Variants in CPSF2 observed in about 807,000 individuals in gnomAD.
CPSF2 encodes cleavage and polyadenylation specificity factor subunit 2.
Under a neutral mutation model 84.2 loss-of-function variants are expected in CPSF2, and 51 were observed. That is an observed-to-expected ratio of 0.61 (90% CI 0.48 to 0.77). The LOEUF is 0.77. Ranked by LOEUF, CPSF2 falls within the 30% of genes least tolerant of loss-of-function variation. The pLI, the probability that CPSF2 is intolerant of heterozygous loss-of-function variation, is 0.00. For missense variants in CPSF2, 641 were observed against 929.4 expected, an observed-to-expected ratio of 0.69 and a Z score of 4.03; for synonymous variants, 286 against 311.9, an observed-to-expected ratio of 0.92 and a Z score of 0.87.
At chr14:92,150,167 G>A (rs186359484) in intron 9 of CPSF2, among the ~76,000 whole-genome samples, 20 of 147,232 alleles carry the variant, frequency 1.4e-4, no homozygotes, top group Admixed American at 3.4e-4. Flanking sequence ...TTGCTCTGTC[G>A]CCAGGCTGGA....
chr14:92,150,930 A>G lies in CPSF2; in HGVS notation c.1141-3428A>G, dbSNP rs539025037. Among the ~76,000 whole-genome samples the G allele has an allele frequency of 1.3e-4, 20 of 152,348 alleles. No individual in the cohort carries two copies. The South Asian group carries it at 3.7e-3, about 28-fold the overall frequency. On this transcript the variant is annotated intron_variant, in intron 9 of 15. Transcript: ENST00000298875. ...TATACCCAGCACTGTGAGATTGACA[A>G]CTTAAACTGAAAAGACTTCTGATAA...
chr14:92,156,231 T>G (rs2069288152), intron 11 of CPSF2, among the ~76,000 whole-genome samples: 1 of 152,028 alleles, frequency 6.6e-6, no homozygotes, highest in Non-Finnish European at 1.5e-5. Flanking sequence ...GAGGTTGCAG[T>G]GAGCCGAGAT....
intron 9 of CPSF2, among the ~76,000 whole-genome samples, chr14:92,149,464 T>C (rs1187070291): frequency 6.6e-6 from 1 of 151,912 alleles, no homozygotes; most frequent in African/African-American, 2.4e-5. Flanking sequence ...GAGAATGTCT[T>C]TGAGGGGCCA....
intron 7 of CPSF2, among the ~76,000 whole-genome samples, chr14:92,140,683 T>G (rs956768081): frequency 7.4e-5 from 11 of 147,754 alleles, no homozygotes; most frequent in Non-Finnish European, 1.3e-4. Context: ...CTGCCTGCCT[T>G]GGCCTCCCAA....
At position 92,142,286 on chromosome 14, in the gene CPSF2, G is replaced by A. The variant is rs370061109; in HGVS notation, c.784G>A (p.Gly262Ser). The change falls in exon 8 of 16, where the codon GGT (glycine) becomes AGT (serine). Residue 262 changes from glycine (G) to serine (S), a missense_variant. Gly to Ser is a moderately conservative substitution (Grantham distance 56, BLOSUM62 0). Around this residue, in one of 2 missense-constraint regions of CPSF2, gnomAD observed 211 missense variants for 375.7 expected, o/e 0.56. Transcript: ENST00000298875. Reference protein sequence around the residue: ...QIWRTKDAGLGVYSLALLNNV... With the variant: ...QIWRTKDAGLSVYSLALLNNV... ...TTGGAGGACTAAAGATGCAGGATTGGGTGTTTACTCATTGGCACTCCTAAA... is the reference window on the plus strand; with the variant it reads ...TTGGAGGACTAAAGATGCAGGATTGAGTGTTTACTCATTGGCACTCCTAAA... The A allele has an allele frequency of 2.1e-5, 34 of 1,613,840 alleles. No individual in the cohort carries two copies. Among genetic ancestry groups the A allele is most frequent in the Non-Finnish European group, 2.9e-5 (34 of 1,179,916 alleles).
chr14:92,155,833 A>G (rs1265250312), intron 11 of CPSF2, among the ~76,000 whole-genome samples: 1 of 152,072 alleles, frequency 6.6e-6, no homozygotes, highest in African/African-American at 2.4e-5. Context: ...TGTCTTAAGT[A>G]TTATACAAGT....
intron 9 of CPSF2, among the ~76,000 whole-genome samples, chr14:92,153,373 G>A (rs754376943): frequency 4.6e-5 from 7 of 151,978 alleles, no homozygotes; most frequent in East Asian, 1.9e-4. Flanking sequence ...TTTATTGGTC[G>A]TAGTGCTGAA....
intron 2 of CPSF2, among the ~76,000 whole-genome samples, chr14:92,130,727 A>G (rs2068913055): frequency 6.6e-6 from 1 of 152,152 alleles, no homozygotes; most frequent in Non-Finnish European, 1.5e-5. Context: ...CATTGTGTCT[A>G]AGATTATCTT....
Position 92,159,175 on chromosome 14 carries a change from G to A in CPSF2, c.2014G>A (p.Val672Ile), listed in dbSNP as rs781478731. The A allele has an allele frequency of 1.9e-5, 31 of 1,613,866 alleles. No homozygotes were observed. Among genetic ancestry groups the A allele is most frequent in the East Asian group, 1.3e-4 (6 of 44,882 alleles). ...AGTGGAAGCTCCCTCAGATTCTAGC[G>A]TTATAGCACAACAAAAGGCCATGAA... ...MQVEAPSDSSVIAQQKAMKSL... is the reference protein window; with the variant it reads ...MQVEAPSDSSIIAQQKAMKSL... Residue 672 changes from valine to isoleucine, a missense_variant, in exon 14 of 16, where the codon GTT becomes ATT. Physicochemically the swap from Val to Ile is conservative, Grantham distance 29. This residue lies in a region of CPSF2 where 430 missense variants were observed against 553.6 expected (regional missense o/e 0.78). Coordinates refer to ENST00000298875, the MANE Select transcript of CPSF2 (RefSeq NM_017437.3).
chr14:92,142,285 G>A lies in CPSF2; in HGVS notation c.783G>A (p.Leu261=). ...TTTGGAGGACTAAAGATGCAGGATTGGGTGTTTACTCATTGGCACTCCTAA... is the reference window on the plus strand; with the variant it reads ...TTTGGAGGACTAAAGATGCAGGATTAGGTGTTTACTCATTGGCACTCCTAA... ...DQIWRTKDAG[L]GVYSLALLNN... The change falls in exon 8 of 16, where the codon TTG becomes TTA. Residue 261 remains leucine, a synonymous_variant. Transcript: ENST00000298875. The A allele has an allele frequency of 6.2e-7, 1 of 1,614,000 alleles. No homozygotes were observed. The highest frequency in any genetic ancestry group is 8.5e-7 in the Non-Finnish European group (1 of 1,179,928).
At position 92,154,468 on chromosome 14, in the gene CPSF2, T is replaced by C. The variant is rs371446048; in HGVS notation, c.1241+10T>C. 1.2e-4 allele frequency: 188 copies of C among 1,546,466 alleles called. No individual in the cohort carries two copies. Among genetic ancestry groups the C allele is most frequent in the Non-Finnish European group, 1.6e-4 (179 of 1,137,408 alleles). On this transcript the variant is annotated intron_variant, in intron 10 of 15. Transcript: ENST00000298875. The stretch of plus-strand genomic sequence containing the variant: ...TTGAGCAGTCAAAAGAGTGAGTCAT[T>C]TTCAGACAGATTATAAATTTATGGA...
chr14:92,136,107 T>C (rs2068995559), intron 6 of CPSF2, among the ~76,000 whole-genome samples: 1 of 152,238 alleles, frequency 6.6e-6, no homozygotes, highest in Non-Finnish European at 1.5e-5. Flanking sequence ...CAATTCTAGT[T>C]ATGATTTTAC....
In CPSF2 at chr14:92,155,259, TCCTATCC is replaced by T; in HGVS notation, c.1379_1385del (p.Ser460LeufsTer25). The T allele has an allele frequency of 6.2e-7, 1 of 1,614,080 alleles. No homozygotes were observed. Among genetic ancestry groups the T allele is most frequent in the Non-Finnish European group, 8.5e-7 (1 of 1,179,966 alleles). ...AAGTTTTTTCAAACAGGCAAAAAAGTCCTATCCTATGTTTCCTGCCCCAGAAGAAAGA... is the reference window on the plus strand; with the variant it reads ...AAGTTTTTTCAAACAGGCAAAAAAGTTATGTTTCCTGCCCCAGAAGAAAGA... On this transcript the variant is annotated frameshift_variant, in exon 11 of 16. Transcript: ENST00000298875. LOFTEE classifies it high-confidence loss of function.
intron 1 of CPSF2, among the ~76,000 whole-genome samples, chr14:92,125,500 T>A (rs1291264949): frequency 6.6e-6 from 1 of 152,118 alleles, no homozygotes; most frequent in African/African-American, 2.4e-5. Flanking sequence ...GCTTTCTGTA[T>A]CATCTCATCA....
Position 92,163,198 on chromosome 14 carries a change from C to G in CPSF2, c.*1454C>G, listed in dbSNP as rs1051739297. 3 of 152,226 alleles carry G rather than the reference C, an allele frequency of 2.0e-5. No individual in the cohort carries two copies. Among genetic ancestry groups the G allele is most frequent in the Non-Finnish European group, 4.4e-5 (3 of 68,040 alleles). The allele number at this position is 152,226 out of a possible 1,614,324, so 9.4% of individuals were successfully genotyped here. ...GGATTACAGGCATGAATCACCACAA[C>G]TAGCCTACCCTTAGATTTTTGGAAG... is the stretch of plus-strand genomic sequence containing the variant. On this transcript the variant is annotated 3_prime_UTR_variant, in exon 16 of 16. Transcript: ENST00000298875.
chr14:92,150,640 T>A (rs2069203255), intron 9 of CPSF2, among the ~76,000 whole-genome samples: 1 of 152,102 alleles, frequency 6.6e-6, no homozygotes, highest in Non-Finnish European at 1.5e-5. Context: ...GCTGCCCATA[T>A]GGTCTCGAAC....
intron 7 of CPSF2, among the ~76,000 whole-genome samples, chr14:92,139,875 C>T (rs999985526): frequency 2.7e-5 from 4 of 150,634 alleles, no homozygotes; most frequent in Non-Finnish European, 4.4e-5. Context: ...GGGATTTCAG[C>T]AGGGAAAATT....
Position 92,131,039 on chromosome 14 carries a change from C to T in CPSF2, c.55C>T (p.Leu19Phe), listed in dbSNP as rs925227748. ...TTCTGGGGTCCAAGAAGAATCTGCC[C>T]TTTGCTATCTTCTCCAAGTTGATGA... is the stretch of plus-strand genomic sequence containing the variant. ...TLSGVQEESA[L>F]CYLLQVDEFR... Residue 19 changes from leucine (L) to phenylalanine (F), a missense_variant, in exon 3 of 16, where the codon CTT becomes TTT. Physicochemically the swap from Leu to Phe is conservative, Grantham distance 22 (BLOSUM62 0). Coordinates refer to ENST00000298875, the MANE Select transcript of CPSF2 (RefSeq NM_017437.3). 4 of 1,612,734 alleles carry T rather than the reference C, an allele frequency of 2.5e-6. No individual in the cohort carries two copies. Among genetic ancestry groups the T allele is most frequent in the Non-Finnish European group, 3.4e-6 (4 of 1,179,440 alleles).
At position 92,166,636 on chromosome 14, in the gene CPSF2, G is replaced by A. The variant is rs977812117; in HGVS notation, c.*4892G>A. 3 of 152,116 alleles carry A rather than the reference G, an allele frequency of 2.0e-5. No homozygotes were observed. Among genetic ancestry groups the A allele is most frequent in the Admixed American group, 6.5e-5 (1 of 15,272 alleles). 9.4% of individuals were successfully genotyped at this position (152,116 alleles called of 1,614,324 possible). On this transcript the variant is annotated 3_prime_UTR_variant, in exon 16 of 16. Transcript: ENST00000298875. ...CAAAGTGCTGGGATTACAGGCATGA[G>A]TCACCATTCCTGGCATTAATTTTTG...
Sources: allele counts gnomAD v4.1 joint callset (sites outside exome capture counted in the v4.1 genomes callset), GRCh38; gene constraint gnomAD v4.1.1; regional missense constraint gnomAD v4.1.1; transcripts MANE v1.5; gene names NCBI Gene and HGNC (gene_info 2026-07-23, HGNC 2026-07-21).